The following SOAT1 variants were observed in gnomAD, a reference collection of about 807,000 sequenced individuals.
SOAT1 encodes the protein acyl-coenzyme A:cholesterol acyltransferase 1.
A neutral mutation model predicts 69.5 loss-of-function variants in SOAT1; 55 were observed. The observed-to-expected ratio is 0.79, with a 90% CI of 0.64 to 0.99. The LOEUF (loss-of-function observed/expected upper bound fraction) is 0.99, where lower values mean the gene tolerates loss of function less well. SOAT1 is among the 50% of genes least tolerant of loss of function. The pLI, the probability that SOAT1 is intolerant of heterozygous loss-of-function variation, is 0.00. For synonymous variants in SOAT1, 231 were observed against 224.7 expected, an observed-to-expected ratio of 1.03 and a Z score of -0.25; for missense variants, 580 against 669.3, an observed-to-expected ratio of 0.87 and a Z score of 1.47.
chr1:179,295,753 C>T lies in SOAT1; in HGVS notation c.-9+1817C>T, dbSNP rs111415158. ...TCCCAGGTTCAAGGGATATTCATGC[C>T]CCAGCCTCCCAAGTAGCTGGGATTA... On this transcript the variant is annotated intron_variant, in intron 1 of 15. Coordinates refer to ENST00000367619, the MANE Select transcript of SOAT1 (RefSeq NM_003101.6). 7.8e-3 allele frequency among the ~76,000 whole-genome samples: 1,179 copies of T among 152,112 alleles called. 9 individuals carry two copies. Among genetic ancestry groups the T allele is most frequent in the African/African-American group, 0.027 (1,102 of 41,472 alleles).
Position 179,335,649 on chromosome 1 carries a change from T to C in SOAT1, c.321T>C (p.His107=), listed in dbSNP as rs1301587668. ...FSVLEGEKNN[H]RAKDLRAPPE... The stretch of plus-strand genomic sequence containing the variant: ...TTCTTGAAGGAGAGAAAAACAACCA[T>C]AGAGCGAAGTAAGTATGTGCTATTT... Residue 107 remains histidine, a synonymous_variant, in exon 4 of 16, where the codon CAT becomes CAC. Coordinates refer to ENST00000367619, the MANE Select transcript of SOAT1 (RefSeq NM_003101.6). 5 of 1,611,680 alleles carry C rather than the reference T, an allele frequency of 3.1e-6. No homozygotes were observed. The highest frequency in any genetic ancestry group is 1.7e-5 in the Admixed American group (1 of 59,588).
chr1:179,307,035 T>C (rs1665032789), intron 2 of SOAT1, among the ~76,000 whole-genome samples: 1 of 152,178 alleles, frequency 6.6e-6, no homozygotes, highest in Non-Finnish European at 1.5e-5. Context: ...GAAAGACGAC[T>C]ATGTTTTCTG....
intron 4 of SOAT1, among the ~76,000 whole-genome samples, chr1:179,336,152 C>T (rs1396485277): frequency 9.1e-6 from 1 of 110,434 alleles, no homozygotes; most frequent in Non-Finnish European, 1.9e-5. Flanking sequence ...ACTCTGTCTC[C>T]AAAAAAAAAA....
intron 7 of SOAT1, among the ~76,000 whole-genome samples, chr1:179,341,614 A>C (rs1666342025): frequency 6.6e-6 from 1 of 150,428 alleles, no homozygotes; most frequent in Non-Finnish European, 1.5e-5. Context: ...GGCTCACTGC[A>C]ACCCCTGCCT....
chr1:179,348,059 A>C (rs191625029), intron 12 of SOAT1, among the ~76,000 whole-genome samples: 1 of 152,334 alleles, frequency 6.6e-6, no homozygotes, highest in East Asian at 1.9e-4. Flanking sequence ...TGACCTCAGC[A>C]AATTATTCCA....
At chr1:179,319,333 G>C (rs561802692) in intron 2 of SOAT1, among the ~76,000 whole-genome samples, 1 of 148,994 alleles carries the variant, frequency 6.7e-6, no homozygotes, top group Non-Finnish European at 1.5e-5. Context: ...GCAATGGCGC[G>C]ATCTCGGCTC....
intron 2 of SOAT1, among the ~76,000 whole-genome samples, chr1:179,314,611 T>A (rs1446399305): frequency 6.6e-6 from 1 of 152,046 alleles, no homozygotes; most frequent in Non-Finnish European, 1.5e-5. Flanking sequence ...TTGTAGAGAA[T>A]GGGGGGGTCT....
Position 179,353,889 on chromosome 1 carries a change from A to T in SOAT1, c.*248A>T. Reference sequence around the variant, plus strand: ...GGGGGAGAAGACCGACTAACAGCTGAAGTAATGACAGATTGTTGCTGGGTC... The same window carrying T: ...GGGGGAGAAGACCGACTAACAGCTGTAGTAATGACAGATTGTTGCTGGGTC... On this transcript the variant is annotated 3_prime_UTR_variant, in exon 16 of 16. Coordinates refer to ENST00000367619, the MANE Select transcript of SOAT1 (RefSeq NM_003101.6). The T allele has an allele frequency of 2.1e-6, 1 of 469,702 alleles. No homozygotes were observed. The highest frequency in any genetic ancestry group is 5.2e-4 in the Middle Eastern group (1 of 1,922). 29.1% of individuals were successfully genotyped at this position (469,702 alleles called of 1,614,324 possible). A position where few individuals can be genotyped will look rare whatever the true frequency, so the allele number is the denominator to read the frequency against.
intron 2 of SOAT1, among the ~76,000 whole-genome samples, chr1:179,311,215 AG>A (rs1665209944): frequency 6.6e-6 from 1 of 152,044 alleles, no homozygotes; most frequent in Non-Finnish European, 1.5e-5. Flanking sequence ...AAGTAAAAAA[AG>A]TTAGGTGGGC....
intron 15 of SOAT1, among the ~76,000 whole-genome samples, chr1:179,352,327 A>G (rs1240263447): frequency 1.3e-5 from 2 of 151,782 alleles, no homozygotes; most frequent in Non-Finnish European, 2.9e-5. Flanking sequence ...CACTCTGGTT[A>G]ATTTAATTGA....
intron 1 of SOAT1, among the ~76,000 whole-genome samples, chr1:179,296,107 C>T (rs1187530745): frequency 6.6e-6 from 1 of 150,852 alleles, no homozygotes; most frequent in Non-Finnish European, 1.5e-5. Flanking sequence ...AGGCGTGAGC[C>T]ACCGCGCCCA....
At chr1:179,349,501 A>G (rs1375435087) in intron 13 of SOAT1, among the ~76,000 whole-genome samples, 1 of 151,564 alleles carries the variant, frequency 6.6e-6, no homozygotes, top group Admixed American at 6.6e-5. Context: ...CTAATTTTCT[A>G]TTTTTAGTAG....
At position 179,357,960 on chromosome 1, in the gene SOAT1, C is replaced by T. The variant is rs1005314692; in HGVS notation, c.*4319C>T. ...TCAAAAAAAAAATTACATATAAGCC[C>T]GGTTTAAAGAGAGGATAATATGCAA... On this transcript the variant is annotated 3_prime_UTR_variant, in exon 16 of 16. Coordinates refer to ENST00000367619, the MANE Select transcript of SOAT1 (RefSeq NM_003101.6). The T allele has an allele frequency of 8.5e-5, 13 of 152,076 alleles. No homozygotes were observed. Among genetic ancestry groups the T allele is most frequent in the African/African-American group, 2.7e-4 (11 of 41,408 alleles). The allele number at this position is 152,076 out of a possible 1,614,324, so 9.4% of individuals were successfully genotyped here. A position where few individuals can be genotyped will look rare whatever the true frequency, so the allele number is the denominator to read the frequency against.
chr1:179,342,799 C>A, intron 8 of SOAT1, 63 bp from the exon 9 acceptor site: 2 of 1,137,038 alleles, frequency 1.8e-6, no homozygotes, highest in South Asian at 1.2e-5. Context: ...TTATATTCCC[C>A]CCTGTATTTT....
chr1:179,315,297 A>G (rs1216325447), intron 2 of SOAT1, among the ~76,000 whole-genome samples: 2 of 151,918 alleles, frequency 1.3e-5, no homozygotes, highest in African/African-American at 4.8e-5. Context: ...AATTTTTTTT[A>G]ATTAGGTGGG....
chr1:179,329,265 G>T (rs938093047), intron 3 of SOAT1, among the ~76,000 whole-genome samples: 6 of 151,940 alleles, frequency 3.9e-5, no homozygotes, highest in Admixed American at 1.3e-4. Context: ...CTTGAACCCA[G>T]GAGGCAGAGG....
intron 15 of SOAT1, 111 bp downstream of exon 15, chr1:179,351,573 TAA>T: frequency 2.1e-6 from 2 of 965,864 alleles, no homozygotes; most frequent in Non-Finnish European, 3.1e-6. Flanking sequence ...GAATTAGTGT[TAA>T]AGAGAGGGAA....
chr1:179,354,661 G>A lies in SOAT1; in HGVS notation c.*1020G>A, dbSNP rs1043729961. 6.6e-6 allele frequency: 1 copy of A among 152,116 alleles called. No individual in the cohort carries two copies. Among genetic ancestry groups the A allele is most frequent in the African/African-American group, 2.4e-5 (1 of 41,428 alleles). 9.4% of individuals were successfully genotyped at this position (152,116 alleles called of 1,614,324 possible). On this transcript the variant is annotated 3_prime_UTR_variant, in exon 16 of 16. Coordinates refer to ENST00000367619, the MANE Select transcript of SOAT1 (RefSeq NM_003101.6). ...GTGATCATTAAGAATCCAGAAGCTG[G>A]CTTCTGCATTTGCTCAGTTATACTT... is the stretch of plus-strand genomic sequence containing the variant.
chr1:179,336,804 G>C (rs1666173664), intron 4 of SOAT1, among the ~76,000 whole-genome samples: 1 of 152,066 alleles, frequency 6.6e-6, no homozygotes. Context: ...AGACCAGCCT[G>C]GCCAAGATGG....
Sources: allele counts gnomAD v4.1 joint callset (sites outside exome capture counted in the v4.1 genomes callset), GRCh38; gene constraint gnomAD v4.1.1; transcripts MANE v1.5; gene names NCBI Gene and HGNC (gene_info 2026-07-23, HGNC 2026-07-21).